TMTC2: variants seen among roughly 807,000 people sequenced by gnomAD.
TMTC2 encodes transmembrane O-mannosyltransferase targeting cadherins 2, also known as protein O-mannosyl-transferase TMTC2.
Under a neutral mutation model 82.4 loss-of-function variants are expected in TMTC2, and 43 were observed. The observed-to-expected ratio is 0.52, with a 90% CI of 0.41 to 0.67. The LOEUF (loss-of-function observed/expected upper bound fraction) is 0.67, where lower values mean the gene tolerates loss of function less well. Among genes scored for constraint, TMTC2 ranks in the 30% least tolerant of loss-of-function variants. The pLI, the probability that TMTC2 is intolerant of heterozygous loss-of-function variation, is 0.00. For synonymous variants in TMTC2, 408 were observed against 381.9 expected (o/e 1.07, Z -0.80); for missense variants, 919 against 1,012.4 (o/e 0.91, Z 1.25).
At chr12:83,036,152 G>A (rs987463535) in intron 9 of TMTC2, among the ~76,000 whole-genome samples, 1 of 152,078 alleles carries the variant, frequency 6.6e-6, no homozygotes. Context: ...GTTCAGCTGT[G>A]TAGTGATGAG....
At chr12:82,999,025 A>G (rs1438449455) in intron 8 of TMTC2, among the ~76,000 whole-genome samples, 1 of 152,184 alleles carries the variant, frequency 6.6e-6, no homozygotes, top group Non-Finnish European at 1.5e-5. Flanking sequence ...GTCACAATTA[A>G]TGTGCCAACA....
chr12:82,717,155 G>A (rs966629281), intron 1 of TMTC2, among the ~76,000 whole-genome samples: 2 of 151,838 alleles, frequency 1.3e-5, no homozygotes, highest in Admixed American at 6.6e-5. Context: ...TCTCACATTC[G>A]GAACCTGCTC....
At chr12:83,038,141 G>A (rs1267472625) in intron 9 of TMTC2, among the ~76,000 whole-genome samples, 3 of 114,906 alleles carry the variant, frequency 2.6e-5, no homozygotes, top group South Asian at 6.9e-4. Context: ...CTGCTGTGGG[G>A]TGGGGGGAGG....
At chr12:82,881,697 G>A (rs115351894) in intron 2 of TMTC2, among the ~76,000 whole-genome samples, 1 of 152,132 alleles carries the variant, frequency 6.6e-6, no homozygotes, top group African/African-American at 2.4e-5. Flanking sequence ...GCTTATTACT[G>A]TAAAGTTAGT....
intron 1 of TMTC2, among the ~76,000 whole-genome samples, chr12:82,737,105 CT>C (rs1214886238): frequency 6.6e-6 from 1 of 152,136 alleles, no homozygotes; most frequent in African/African-American, 2.4e-5. Flanking sequence ...AGAAATTGTT[CT>C]GAATAACTAT....
rs1881409290 is a variant in TMTC2, at chr12:83,031,021, C to T, written c.2152+142C>T. On this transcript the variant is annotated intron_variant, in intron 9 of 11. Coordinates refer to ENST00000321196, the MANE Select transcript of TMTC2 (RefSeq NM_152588.3). ...ATTTAGCCTCATGCTATATTCCTACCTTCTCATTCAAAACAGTCCTATTAG... is the reference window on the plus strand; with the variant it reads ...ATTTAGCCTCATGCTATATTCCTACTTTCTCATTCAAAACAGTCCTATTAG... The T allele has an allele frequency of 6.8e-6, 4 of 586,430 alleles. No individual in the cohort carries two copies. In the Admixed American group the frequency reaches 8.0e-5, roughly 12 times the overall value. The allele number at this position is 586,430 out of a possible 1,614,324, so 36.3% of individuals were successfully genotyped here. A position where few individuals can be genotyped will look rare whatever the true frequency, so the allele number is the denominator to read the frequency against.
At chr12:82,806,978 TC>T in intron 1 of TMTC2, among the ~76,000 whole-genome samples, 1 of 152,270 alleles carries the variant, frequency 6.6e-6, no homozygotes, top group South Asian at 2.1e-4. Flanking sequence ...ATTTTATGAC[TC>T]CTAGCACAGA....
chr12:83,057,493 A>T (rs1053568328), intron 10 of TMTC2, among the ~76,000 whole-genome samples: 1 of 151,988 alleles, frequency 6.6e-6, no homozygotes, highest in Admixed American at 6.6e-5. Context: ...TTGTTTTTAC[A>T]TATGTATGAC....
intron 4 of TMTC2, 42 bp downstream of exon 4, chr12:82,930,587 C>G: frequency 8.0e-7 from 1 of 1,254,000 alleles, no homozygotes; most frequent in African/African-American, 1.5e-5. Flanking sequence ...GTCTTTGAAA[C>G]CTGCAGTGAG....
At chr12:82,801,225 G>A (rs1178729445) in intron 1 of TMTC2, among the ~76,000 whole-genome samples, 3 of 152,086 alleles carry the variant, frequency 2.0e-5, no homozygotes, top group Non-Finnish European at 2.9e-5. Flanking sequence ...CTTGCGGTGA[G>A]TGTTACAGTT....
intron 7 of TMTC2, among the ~76,000 whole-genome samples, chr12:82,982,946 C>T (rs1878990116): frequency 6.6e-6 from 1 of 152,142 alleles, no homozygotes; most frequent in East Asian, 1.9e-4. Context: ...CAAATAGTGA[C>T]ATTCCTTGGT....
At chr12:83,081,804 C>T (rs1373398320) in intron 11 of TMTC2, among the ~76,000 whole-genome samples, 7 of 151,848 alleles carry the variant, frequency 4.6e-5, no homozygotes, top group Admixed American at 3.3e-4. Context: ...TTTGGGAGGC[C>T]GAGGCAGGAG....
intron 11 of TMTC2, among the ~76,000 whole-genome samples, chr12:83,083,392 A>G (rs1236341826): frequency 1.3e-5 from 2 of 152,160 alleles, no homozygotes; most frequent in African/African-American, 4.8e-5. Context: ...TACCTGCTCA[A>G]ATAGCATCTC....
intron 1 of TMTC2, among the ~76,000 whole-genome samples, chr12:82,751,229 C>T (rs1875982328): frequency 6.6e-6 from 1 of 152,100 alleles, no homozygotes. Context: ...GAGTTCATGT[C>T]CTTTGTAGGG....
chr12:82,845,104 C>G (rs1422531712), intron 1 of TMTC2, among the ~76,000 whole-genome samples: 4 of 149,726 alleles, frequency 2.7e-5, no homozygotes. Flanking sequence ...TGGCGGGCGC[C>G]TGTAATCCTA....
intron 7 of TMTC2, among the ~76,000 whole-genome samples, chr12:82,977,343 C>T (rs1349738918): frequency 1.3e-5 from 2 of 151,546 alleles, no homozygotes; most frequent in Non-Finnish European, 3.0e-5. Context: ...CTACTAGATA[C>T]TCAAATATTA....
At chr12:82,732,923 C>A (rs1874902340) in intron 1 of TMTC2, among the ~76,000 whole-genome samples, 1 of 152,154 alleles carries the variant, frequency 6.6e-6, no homozygotes, top group African/African-American at 2.4e-5. Context: ...AAGGGAGTTC[C>A]AAAGCTTGGA....
At chr12:82,888,838 T>G (rs1873237861) in intron 2 of TMTC2, among the ~76,000 whole-genome samples, 1 of 152,234 alleles carries the variant, frequency 6.6e-6, no homozygotes, top group Admixed American at 6.5e-5. Flanking sequence ...ATTTTGCTTT[T>G]ATATTATTTT....
intron 1 of TMTC2, among the ~76,000 whole-genome samples, chr12:82,749,101 A>G (rs972251160): frequency 1.3e-5 from 2 of 152,252 alleles, no homozygotes; most frequent in Admixed American, 6.5e-5. Flanking sequence ...AGAATTCCCC[A>G]GTGAATCTTA....
Sources: allele counts gnomAD v4.1 joint callset (sites outside exome capture counted in the v4.1 genomes callset), GRCh38; gene constraint gnomAD v4.1.1; transcripts MANE v1.5; gene names NCBI Gene and HGNC (gene_info 2026-07-23, HGNC 2026-07-21).